The following USH2A variants were observed in gnomAD, a reference collection of about 807,000 sequenced individuals.
The protein encoded by USH2A is usherin.
Under a neutral mutation model 538.9 loss-of-function variants are expected in USH2A, and 443 were observed. That is an observed-to-expected ratio of 0.82 (90% CI 0.76 to 0.89). The LOEUF (loss-of-function observed/expected upper bound fraction) is 0.89, where lower values mean the gene tolerates loss of function less well. USH2A is among the 40% of genes least tolerant of loss of function. The pLI, the probability that USH2A is intolerant of heterozygous loss-of-function variation, is 0.00. For synonymous variants in USH2A, 2,413 were observed against 2,273.5 expected, an observed-to-expected ratio of 1.06 and a Z score of -1.75; for missense variants, 6,633 against 6,324.8, an observed-to-expected ratio of 1.05 and a Z score of -1.65.
intron 32 of USH2A, among the ~76,000 whole-genome samples, chr1:216,020,533 CTT>C (rs996791440): frequency 4.6e-5 from 7 of 152,250 alleles, no homozygotes; most frequent in Admixed American, 2.0e-4. Context: ...GCACAGAACT[CTT>C]AAAATCCTTG....
chr1:216,283,606 A>G (rs1407831732), intron 11 of USH2A, among the ~76,000 whole-genome samples: 3 of 152,174 alleles, frequency 2.0e-5, no homozygotes, highest in Admixed American at 6.5e-5. Context: ...AAATATTTGG[A>G]TATAGTATTT....
At chr1:216,361,482 G>T (rs2038489366) in intron 4 of USH2A, among the ~76,000 whole-genome samples, 1 of 152,030 alleles carries the variant, frequency 6.6e-6, no homozygotes, top group African/African-American at 2.4e-5. Flanking sequence ...TAGCCCAGAA[G>T]ACCATATTTG....
intron 47 of USH2A, among the ~76,000 whole-genome samples, chr1:215,824,016 G>A (rs1379538771): frequency 6.6e-6 from 1 of 151,944 alleles, no homozygotes; most frequent in Non-Finnish European, 1.5e-5. Flanking sequence ...TCACCATCTT[G>A]TTAGGGTCAC....
intron 21 of USH2A, among the ~76,000 whole-genome samples, chr1:216,150,166 C>G (rs563231984): frequency 5.3e-5 from 8 of 152,232 alleles, no homozygotes; most frequent in African/African-American, 1.9e-4. Flanking sequence ...TCTCCATTCT[C>G]AACTACTTAT....
chr1:215,689,004 C>T (rs1283571096), intron 61 of USH2A, among the ~76,000 whole-genome samples: 1 of 150,758 alleles, frequency 6.6e-6, no homozygotes, highest in African/African-American at 2.4e-5. Flanking sequence ...AATGTAGAAC[C>T]AATAGAATTA....
chr1:215,877,674 A>G (rs1558140312), intron 43 of USH2A, 84 bp downstream of exon 43: 3 of 1,591,956 alleles, frequency 1.9e-6, no homozygotes, highest in Non-Finnish European at 2.6e-6. Flanking sequence ...CGCTCACACA[A>G]TGAAGACACT....
chr1:215,964,234 A>G (rs1228779879), intron 37 of USH2A, among the ~76,000 whole-genome samples: 2 of 152,094 alleles, frequency 1.3e-5, no homozygotes, highest in African/African-American at 4.8e-5. Flanking sequence ...TTCTTTTTTC[A>G]AATCGATCAT....
intron 20 of USH2A, among the ~76,000 whole-genome samples, chr1:216,189,089 A>T (rs2034666077): frequency 6.6e-6 from 1 of 152,116 alleles, no homozygotes; most frequent in South Asian, 2.1e-4. Context: ...GTACTCCATC[A>T]ATGTATTCAT....
At chr1:216,229,530 G>C (rs926968005) in intron 14 of USH2A, among the ~76,000 whole-genome samples, 18 of 152,038 alleles carry the variant, frequency 1.2e-4, no homozygotes, top group African/African-American at 4.3e-4. Context: ...GCCCAGGCTG[G>C]TCTTAAACTC....
intron 61 of USH2A, among the ~76,000 whole-genome samples, chr1:215,695,497 AC>A (rs1364852620): frequency 1.3e-5 from 2 of 152,208 alleles, no homozygotes; most frequent in African/African-American, 4.8e-5. Flanking sequence ...ATAAAAAAAA[AC>A]AACCAGATTC....
At chr1:215,884,724 G>A (rs1665003585) in intron 41 of USH2A, among the ~76,000 whole-genome samples, 1 of 152,208 alleles carries the variant, frequency 6.6e-6, no homozygotes, top group Non-Finnish European at 1.5e-5. Flanking sequence ...TGAGGATGAT[G>A]ATTAAGACTC....
At chr1:215,850,411 C>A (rs1239430076) in intron 44 of USH2A, among the ~76,000 whole-genome samples, 1 of 152,074 alleles carries the variant, frequency 6.6e-6, no homozygotes. Flanking sequence ...AATCATTGAA[C>A]TACATTTTCT....
At chr1:216,252,842 G>A (rs905559533) in intron 11 of USH2A, among the ~76,000 whole-genome samples, 5 of 152,096 alleles carry the variant, frequency 3.3e-5, no homozygotes, top group African/African-American at 1.2e-4. Flanking sequence ...GGCATTTATT[G>A]GTGGATATGT....
chr1:215,636,665 C>A (rs139735843), intron 69 of USH2A, among the ~76,000 whole-genome samples: 1 of 152,054 alleles, frequency 6.6e-6, no homozygotes, highest in South Asian at 2.1e-4. Context: ...GCAGCCTGCC[C>A]GAGGGAAGCC....
chr1:215,875,329 T>C (rs1251656696), intron 43 of USH2A, among the ~76,000 whole-genome samples: 1 of 152,142 alleles, frequency 6.6e-6, no homozygotes, highest in Non-Finnish European at 1.5e-5. Flanking sequence ...GTAGCTGTTA[T>C]TTTAATAAAT....
chr1:216,059,109 T>C (rs1366704046), intron 30 of USH2A, among the ~76,000 whole-genome samples: 1 of 152,148 alleles, frequency 6.6e-6, no homozygotes, highest in Non-Finnish European at 1.5e-5. Flanking sequence ...GTTACATATA[T>C]ATAGAGAGAA....
intron 16 of USH2A, among the ~76,000 whole-genome samples, chr1:216,201,325 T>G (rs1333922249): frequency 1.3e-5 from 2 of 149,584 alleles, no homozygotes; most frequent in Non-Finnish European, 1.5e-5. Flanking sequence ...TTTTTTTTTT[T>G]GAAGACAGGG....
intron 41 of USH2A, among the ~76,000 whole-genome samples, chr1:215,885,404 T>C (rs977066561): frequency 1.3e-5 from 2 of 152,206 alleles, no homozygotes; most frequent in Non-Finnish European, 2.9e-5. Context: ...AAATTTTGAA[T>C]CTGTACTCAT....
intron 32 of USH2A, among the ~76,000 whole-genome samples, chr1:216,045,023 T>C (rs949656036): frequency 3.3e-5 from 5 of 152,164 alleles, no homozygotes; most frequent in African/African-American, 9.6e-5. Context: ...AGCATCTACA[T>C]GTGCCCCCAT....
Sources: allele counts gnomAD v4.1 joint callset (sites outside exome capture counted in the v4.1 genomes callset), GRCh38; gene constraint gnomAD v4.1.1; transcripts MANE v1.5; gene names NCBI Gene and HGNC (gene_info 2026-07-23, HGNC 2026-07-21).